CTNNA2: variants seen among roughly 807,000 people sequenced by gnomAD.
The protein encoded by CTNNA2 is catenin alpha 2, also known as catenin alpha-2.
Under a neutral mutation model 101.0 loss-of-function variants are expected in CTNNA2, and 42 were observed. The ratio of observed to expected loss-of-function variants is 0.42; its 90% CI spans 0.32 to 0.54. The LOEUF is 0.54. CTNNA2 is among the 20% of genes least tolerant of loss of function. The pLI is 0.14. For missense variants in CTNNA2, 871 were observed against 1,223.1 expected, an observed-to-expected ratio of 0.71 and a Z score of 4.29; for synonymous variants, 450 against 456.4, an observed-to-expected ratio of 0.99 and a Z score of 0.18.
intron 3 of CTNNA2, among the ~76,000 whole-genome samples, chr2:79,781,925 C>G (rs574148261): frequency 6.7e-6 from 1 of 148,230 alleles, no homozygotes; most frequent in African/African-American, 2.5e-5. Flanking sequence ...GAAATACTTT[C>G]TCTTCTTTAT....
intron 3 of CTNNA2, among the ~76,000 whole-genome samples, chr2:79,366,992 T>G (rs888887312): frequency 3.3e-5 from 5 of 152,224 alleles, no homozygotes; most frequent in Non-Finnish European, 7.3e-5. Context: ...TTCATATGTT[T>G]AAACCCTAAT....
chr2:79,626,609 GT>G (rs1558782093), intron 1 of CTNNA2, among the ~76,000 whole-genome samples: 1 of 131,830 alleles, frequency 7.6e-6, no homozygotes, highest in Non-Finnish European at 1.6e-5. Flanking sequence ...GTATGTGCGT[GT>G]GTGTGTGTAT....
chr2:80,572,956 T>C (rs1157397882), intron 12 of CTNNA2: 1 of 152,162 alleles, frequency 6.6e-6, no homozygotes, highest in African/African-American at 2.4e-5. Context: ...TAGAAATACA[T>C]TTTTCCAGGA....
chr2:79,587,438 C>T (rs1478450040), intron 1 of CTNNA2, among the ~76,000 whole-genome samples: 1 of 152,098 alleles, frequency 6.6e-6, no homozygotes, highest in Non-Finnish European at 1.5e-5. Flanking sequence ...TGCCCTTAAC[C>T]ACTGTGCTGA....
intron 7 of CTNNA2, among the ~76,000 whole-genome samples, chr2:80,357,564 C>T (rs1673960870): frequency 6.6e-6 from 1 of 152,028 alleles, no homozygotes; most frequent in African/African-American, 2.4e-5. Context: ...TTCCCTGCTC[C>T]CCGATTCCAA....
At chr2:80,515,643 T>A (rs1399089168) in intron 9 of CTNNA2, among the ~76,000 whole-genome samples, 3 of 152,206 alleles carry the variant, frequency 2.0e-5, no homozygotes, top group South Asian at 4.1e-4. Context: ...TAAAAGAAAC[T>A]TTTGTTACAT....
At chr2:79,775,148 T>G (rs1159457) in intron 3 of CTNNA2, among the ~76,000 whole-genome samples, 7,122 of 152,250 alleles carry the variant, frequency 0.047, 183 homozygotes, top group Middle Eastern at 0.11. Context: ...TGACAAGGCA[T>G]GAATGACAGT....
chr2:80,464,628 G>GT (rs1328611030), intron 9 of CTNNA2, among the ~76,000 whole-genome samples: 2 of 152,264 alleles, frequency 1.3e-5, no homozygotes, highest in African/African-American at 2.4e-5. Flanking sequence ...TTGTCATTAA[G>GT]TTTTTTTCTT....
chr2:80,182,986 G>T (rs1182747343), intron 7 of CTNNA2, among the ~76,000 whole-genome samples: 1 of 152,220 alleles, frequency 6.6e-6, no homozygotes, highest in African/African-American at 2.4e-5. Context: ...GAAGGAGCAT[G>T]ATCACTTCGG....
intron 7 of CTNNA2, among the ~76,000 whole-genome samples, chr2:80,155,439 A>G (rs1037037876): frequency 6.6e-6 from 1 of 152,196 alleles, no homozygotes; most frequent in Non-Finnish European, 1.5e-5. Flanking sequence ...AATGAGGAAC[A>G]CTGTTTCTGC....
intron 7 of CTNNA2, among the ~76,000 whole-genome samples, chr2:80,042,349 A>G (rs1180562256): frequency 6.6e-6 from 1 of 152,130 alleles, no homozygotes; most frequent in Non-Finnish European, 1.5e-5. Context: ...CGGAATGGAG[A>G]ATGGCGTCAA....
At chr2:80,088,201 G>A (rs1699567371) in intron 7 of CTNNA2, among the ~76,000 whole-genome samples, 2 of 151,970 alleles carry the variant, frequency 1.3e-5, no homozygotes, top group Admixed American at 6.6e-5. Context: ...AGCTAGAGTT[G>A]ATAAGTATAA....
At chr2:79,868,299 C>A (rs1682301306) in intron 4 of CTNNA2, among the ~76,000 whole-genome samples, 1 of 152,168 alleles carries the variant, frequency 6.6e-6, no homozygotes, top group Admixed American at 6.5e-5. Flanking sequence ...TATGTGGCAT[C>A]TAGATTAACC....
At chr2:80,046,042 T>C (rs1696500724) in intron 7 of CTNNA2, among the ~76,000 whole-genome samples, 1 of 152,194 alleles carries the variant, frequency 6.6e-6, no homozygotes, top group Non-Finnish European at 1.5e-5. Context: ...CAAAGGCCAG[T>C]GTCCCACTGC....
At chr2:79,737,277 A>T (rs1265247707) in intron 2 of CTNNA2, among the ~76,000 whole-genome samples, 1 of 151,400 alleles carries the variant, frequency 6.6e-6, no homozygotes, top group Non-Finnish European at 1.5e-5. Context: ...TGAACTCAGG[A>T]GATAGAGGTT....
chr2:79,620,521 G>C (rs1678927581), intron 1 of CTNNA2, among the ~76,000 whole-genome samples: 1 of 152,160 alleles, frequency 6.6e-6, no homozygotes, highest in South Asian at 2.1e-4. Flanking sequence ...TAAGGACCTA[G>C]GCCTTGTTCA....
chr2:80,198,938 A>T (rs941796136), intron 7 of CTNNA2, among the ~76,000 whole-genome samples: 12 of 151,984 alleles, frequency 7.9e-5, no homozygotes, highest in Admixed American at 5.2e-4. Context: ...ATCCCAGCAC[A>T]TTTGGAGGCC....
chr2:79,448,279 TTTATTATATAATA>T, intron 4 of CTNNA2, among the ~76,000 whole-genome samples: 1 of 152,144 alleles, frequency 6.6e-6, no homozygotes, highest in South Asian at 2.1e-4. Flanking sequence ...TTTAAAGACA[TTTATTATATAATA>T]TCTGTAGTCT....
intron 1 of CTNNA2, among the ~76,000 whole-genome samples, chr2:79,646,895 CATT>C (rs763968862): frequency 6.6e-6 from 1 of 152,186 alleles, no homozygotes; most frequent in Non-Finnish European, 1.5e-5. Context: ...AGGCTTGTAA[CATT>C]GTGCTGTATG....
Sources: gnomAD v4.1 joint callset for allele counts (sites outside exome capture counted in the v4.1 genomes callset) on GRCh38, gnomAD v4.1.1 for gene constraint, MANE v1.5 for transcripts, NCBI Gene and HGNC (gene_info 2026-07-23, HGNC 2026-07-21) for gene names.